RALGPS1: variants seen among roughly 807,000 people sequenced by gnomAD.
RALGPS1 encodes the protein ras-specific guanine nucleotide-releasing factor RalGPS1.
Under a neutral mutation model 78.8 loss-of-function variants are expected in RALGPS1, and 19 were observed. The observed-to-expected ratio is 0.24, with a 90% confidence interval of 0.17 to 0.35. The LOEUF (loss-of-function observed/expected upper bound fraction) is 0.35, where lower values mean the gene tolerates loss of function less well. Ranked by LOEUF, RALGPS1 falls within the 10% of genes least tolerant of loss-of-function variation. The probability of loss-of-function intolerance (pLI) is 1.00; values close to 1 mark genes in which losing one functional copy is unlikely to be tolerated. For missense variants in RALGPS1, 454 were observed against 688.3 expected (o/e 0.66, Z 3.81); for synonymous variants, 228 against 256.3 (o/e 0.89, Z 1.06).
intron 8 of RALGPS1, among the ~76,000 whole-genome samples, chr9:127,134,124 G>T (rs2057229134): frequency 6.6e-6 from 1 of 152,100 alleles, no homozygotes; most frequent in Admixed American, 6.5e-5. Flanking sequence ...GCCGGCTCCT[G>T]CCTGGCCACG....
intron 8 of RALGPS1, among the ~76,000 whole-genome samples, chr9:127,134,386 G>A (rs1269127179): frequency 7.2e-5 from 11 of 152,246 alleles, no homozygotes; most frequent in Non-Finnish European, 1.2e-4. Flanking sequence ...GCAGCCTGGA[G>A]GACACTGAGC....
chr9:127,042,522 C>G (rs2047407141), intron 5 of RALGPS1, among the ~76,000 whole-genome samples: 1 of 152,084 alleles, frequency 6.6e-6, no homozygotes, highest in Non-Finnish European at 1.5e-5. Context: ...ACTTCTTCAA[C>G]TTGATAAAGA....
chr9:127,048,391 G>A (rs934878346), intron 5 of RALGPS1, among the ~76,000 whole-genome samples: 1 of 152,170 alleles, frequency 6.6e-6, no homozygotes, highest in African/African-American at 2.4e-5. Context: ...TTGGTTTACT[G>A]TTTGAACTTC....
At chr9:127,184,802 T>C (rs1391951628) in intron 11 of RALGPS1, among the ~76,000 whole-genome samples, 3 of 152,192 alleles carry the variant, frequency 2.0e-5, no homozygotes, top group Admixed American at 6.5e-5. Context: ...GGAACCCAAG[T>C]CTTGTGACTC....
At chr9:127,162,233 C>T (rs1003839834) in intron 8 of RALGPS1, among the ~76,000 whole-genome samples, 1 of 152,182 alleles carries the variant, frequency 6.6e-6, no homozygotes, top group African/African-American at 2.4e-5. Context: ...GCCCTTGAGG[C>T]GTTAGGCCTG....
intron 11 of RALGPS1, among the ~76,000 whole-genome samples, chr9:127,181,985 C>T (rs1588394839): frequency 6.6e-6 from 1 of 151,952 alleles, no homozygotes; most frequent in Non-Finnish European, 1.5e-5. Context: ...GAGGGCCCCT[C>T]CCGCCCATCC....
intron 1 of RALGPS1, among the ~76,000 whole-genome samples, chr9:126,950,797 G>T (rs1428331782): frequency 3.3e-4 from 50 of 150,672 alleles, no homozygotes; most frequent in Non-Finnish European, 6.9e-4. Flanking sequence ...CTAGCAGAAG[G>T]CAAGAAATAA....
intron 4 of RALGPS1, among the ~76,000 whole-genome samples, chr9:127,010,277 C>T (rs2044226758): frequency 6.6e-6 from 1 of 152,186 alleles, no homozygotes; most frequent in Non-Finnish European, 1.5e-5. Flanking sequence ...TTTCTCCTGC[C>T]TCCCCTGACT....
At chr9:127,161,066 A>T (rs1017148244) in intron 8 of RALGPS1, among the ~76,000 whole-genome samples, 11 of 152,250 alleles carry the variant, frequency 7.2e-5, no homozygotes, top group Non-Finnish European at 1.5e-4. Flanking sequence ...GTCCATCTTC[A>T]TAAGGCCAAC....
rs1259824225 is a variant in RALGPS1 at position 127,183,755 on chromosome 9, C to T, written c.910+8973C>T. On this transcript the variant is annotated intron_variant, in intron 11 of 18. Transcript: ENST00000259351. The surrounding 1 kb of genome is among the most constrained non-coding windows in gnomAD (Gnocchi z 4.0). The stretch of plus-strand genomic sequence containing the variant: ...TCTCTGGAAACATACTCTCTCTGCC[C>T]GTTTATATTTTCGGAATGGATGGGT... 7 of 885,996 alleles carry T rather than the reference C, an allele frequency of 7.9e-6. No individual in the cohort carries two copies. The highest frequency in any genetic ancestry group is 5.3e-5 in the East Asian group (2 of 37,530). 54.9% of individuals were successfully genotyped at this position (885,996 alleles called of 1,614,324 possible).
chr9:127,041,323 C>CTCGT (rs2047304172), intron 5 of RALGPS1, among the ~76,000 whole-genome samples: 1 of 152,084 alleles, frequency 6.6e-6, no homozygotes, highest in Non-Finnish European at 1.5e-5. Flanking sequence ...AACTCCTGAC[C>CTCGT]TCGTGATCTG....
intron 1 of RALGPS1, among the ~76,000 whole-genome samples, chr9:126,953,607 A>C (rs1245230048): frequency 6.6e-6 from 1 of 152,196 alleles, no homozygotes; most frequent in Non-Finnish European, 1.5e-5. Flanking sequence ...CAGTTGCCTC[A>C]TCTGTAAAAT....
At chr9:127,182,091 A>G (rs12555354) in intron 11 of RALGPS1, among the ~76,000 whole-genome samples, 71,762 of 150,688 alleles carry the variant, frequency 0.48, 17,573 homozygotes, top group African/African-American at 0.5. Context: ...TAATCCTGGA[A>G]CTTTGAGAGG....
intron 8 of RALGPS1, among the ~76,000 whole-genome samples, chr9:127,096,881 GTGACCCTCC>G (rs1164658086): frequency 1.3e-5 from 2 of 152,152 alleles, no homozygotes; most frequent in Non-Finnish European, 2.9e-5. Flanking sequence ...ATTTCCACAG[GTGACCCTCC>G]TGACACTCCT....
chr9:127,214,849 T>G lies in RALGPS1; in HGVS notation c.1644+7T>G. The G allele has an allele frequency of 6.2e-7, 1 of 1,613,236 alleles. No individual in the cohort carries two copies. The highest frequency in any genetic ancestry group is 8.5e-7 in the Non-Finnish European group (1 of 1,179,696). ...TAAAAGCAACAGGCCTCAGGTAAAG[T>G]CATCAAAATCCTGCTTGTCACCTGA... On this transcript the variant is annotated splice_region_variant and intron_variant, in intron 18 of 18. Transcript: ENST00000259351.
At chr9:126,993,573 A>T (rs2042457861) in intron 4 of RALGPS1, among the ~76,000 whole-genome samples, 1 of 151,706 alleles carries the variant, frequency 6.6e-6, no homozygotes, top group Non-Finnish European at 1.5e-5. Context: ...TTTTAAGAAC[A>T]GTTTTAGAGT....
chr9:127,075,737 G>A lies in RALGPS1; in HGVS notation c.610+6381G>A, dbSNP rs552398251. Among the ~76,000 whole-genome samples, 3 of 152,346 alleles carry A rather than the reference G, an allele frequency of 2.0e-5. No individual in the cohort carries two copies. The East Asian group carries it at 5.8e-4, about 29-fold the overall frequency. On this transcript the variant is annotated intron_variant, in intron 8 of 18. Transcript: ENST00000259351. ...TTTGTTACTTCTGTTGCTTGAGACC[G>A]TGAATGCTGCTTCAGCAGTTATTTG...
intron 8 of RALGPS1, among the ~76,000 whole-genome samples, chr9:127,100,716 C>T (rs1589471715): frequency 2.0e-5 from 3 of 152,168 alleles, no homozygotes; most frequent in Non-Finnish European, 2.9e-5. Context: ...GCAGGCACAT[C>T]ATGGAAGAAC....
intron 8 of RALGPS1, among the ~76,000 whole-genome samples, chr9:127,161,537 G>C (rs1382968359): frequency 6.6e-6 from 1 of 152,190 alleles, no homozygotes; most frequent in Non-Finnish European, 1.5e-5. Flanking sequence ...GGACCCGCAG[G>C]ACTGGGTGGG....
Sources: gnomAD v4.1 joint callset for allele counts (sites outside exome capture counted in the v4.1 genomes callset) on GRCh38, gnomAD v4.1.1 for gene constraint, Gnocchi (gnomAD v3.1) non-coding constraint, MANE v1.5 for transcripts, NCBI Gene and HGNC (gene_info 2026-07-23, HGNC 2026-07-21) for gene names.